IQANK1: variants seen among roughly 807,000 people sequenced by gnomAD.
IQANK1 encodes IQ motif and ankyrin repeat containing 1, also known as IQ motif and ankyrin repeat domain-containing protein 1.
IQANK1 carries 30 observed loss-of-function variants against 22.6 expected under a neutral mutation model. The ratio of observed to expected loss-of-function variants is 1.33; its 90% CI spans 0.99 to 1.80. IQANK1 has a LOEUF of 1.80. IQANK1 is among the 40% of genes most tolerant of loss of function. IQANK1 has a pLI of 0.00. For missense variants in IQANK1, 275 were observed against 235.2 expected, an observed-to-expected ratio of 1.17 and a Z score of -1.11; for synonymous variants, 122 against 99.6, an observed-to-expected ratio of 1.23 and a Z score of -1.34.
intron 3 of IQANK1, among the ~76,000 whole-genome samples, chr8:143,748,578 A>G (rs1456728967): frequency 7.4e-6 from 1 of 134,360 alleles, no homozygotes; most frequent in East Asian, 2.1e-4. Flanking sequence ...TATATAATAT[A>G]TAAATATAGA....
chr8:143,773,310 A>AC (rs1819618305), intron 7 of IQANK1, among the ~76,000 whole-genome samples: 2 of 125,878 alleles, frequency 1.6e-5, no homozygotes, highest in East Asian at 2.0e-4. Flanking sequence ...CAAAAAAAAA[A>AC]AAAAAACAAA....
intron 3 of IQANK1, among the ~76,000 whole-genome samples, chr8:143,757,714 T>C (rs1819319565): frequency 6.6e-6 from 1 of 152,068 alleles, no homozygotes; most frequent in African/African-American, 2.4e-5. Context: ...AGTGGCATAA[T>C]CATAGCTCAT....
At position 143,755,439 on chromosome 8, in the gene IQANK1, C is replaced by G. The variant is rs536365913; in HGVS notation, c.175+15491C>G. Among the ~76,000 whole-genome samples the G allele has an allele frequency of 3.8e-4, 58 of 152,330 alleles. 1 individual carries two copies. The highest frequency in any genetic ancestry group is 3.3e-3 in the South Asian group (16 of 4,824). On this transcript the variant is annotated intron_variant, in intron 3 of 13. Coordinates refer to ENST00000527139, the MANE Select transcript of IQANK1 (RefSeq NM_001381874.1). ...AGTACAATGACGTGATCTTAGCTCA[C>G]TGCAACCTCCGCCTCCCAGGTTCAA... is the stretch of plus-strand genomic sequence containing the variant.
At chr8:143,783,910 C>T (rs1261596720) in intron 7 of IQANK1, among the ~76,000 whole-genome samples, 33 of 152,192 alleles carry the variant, frequency 2.2e-4, no homozygotes, top group African/African-American at 6.5e-4. Flanking sequence ...GTTCTGGGAT[C>T]GCTGTTCTGT....
In IQANK1 at chr8:143,758,629, A is replaced by C. The variant is rs754171294; in HGVS notation, c.176-12859A>C. 2.6e-5 allele frequency: 4 copies of C among 152,198 alleles called. No individual in the cohort carries two copies. Among genetic ancestry groups the C allele is most frequent in the Non-Finnish European group, 5.9e-5 (4 of 68,046 alleles). The allele number at this position is 152,198 out of a possible 1,614,324, so 9.4% of individuals were successfully genotyped here. A position where few individuals can be genotyped will look rare whatever the true frequency, so the allele number is the denominator to read the frequency against. ...AACATTATAATTTTCCCACTACTCC[A>C]AAGGAATCCAATAAATAATTTTACA... On this transcript the variant is annotated intron_variant, in intron 3 of 13. Coordinates refer to ENST00000527139, the MANE Select transcript of IQANK1 (RefSeq NM_001381874.1). This position sits in a 1 kb window ranked among gnomAD's most constrained non-coding sequence, Gnocchi z 4.2.
chr8:143,739,946 C>T lies in IQANK1; in HGVS notation c.173C>T (p.Thr58Ile), dbSNP rs1554626231. ...PASAESPQAP[T>I]GPAEDRAARA... The stretch of plus-strand genomic sequence containing the variant: ...TCGGCTGAGAGCCCACAGGCCCCCA[C>T]AGGTGAGAGCCCGCACGTCCCGCGC... Residue 58 changes from threonine (T) to isoleucine (I), a missense_variant and splice_region_variant, in exon 3 of 14, where the codon ACA becomes ATA. Coordinates refer to ENST00000527139, the MANE Select transcript of IQANK1 (RefSeq NM_001381874.1). The T allele has an allele frequency of 2.9e-6, 2 of 695,502 alleles. No homozygotes were observed. Among genetic ancestry groups the T allele is most frequent in the Non-Finnish European group, 5.2e-6 (2 of 381,436 alleles). The allele number at this position is 695,502 out of a possible 1,614,324, so 43.1% of individuals were successfully genotyped here.
intron 7 of IQANK1, among the ~76,000 whole-genome samples, chr8:143,782,760 G>T (rs932055604): frequency 6.6e-6 from 1 of 152,212 alleles, no homozygotes; most frequent in Non-Finnish European, 1.5e-5. Flanking sequence ...ACAGATATGA[G>T]CCACCGTGCC....
chr8:143,743,266 G>T lies in IQANK1; in HGVS notation c.175+3318G>T, dbSNP rs114130477. ...TTTTTGAGACAGGGTCAGCTGTCTT[G>T]CCCAGGCTGGAGTTCAGGGGCTATT... On this transcript the variant is annotated intron_variant, in intron 3 of 13. Coordinates refer to ENST00000527139, the MANE Select transcript of IQANK1 (RefSeq NM_001381874.1). Among the ~76,000 whole-genome samples, 160 of 151,920 alleles carry T rather than the reference G, an allele frequency of 1.1e-3. 2 individuals are homozygous for T. The highest frequency in any genetic ancestry group is 3.7e-3 in the African/African-American group (153 of 41,442).
chr8:143,738,324 C>A (rs146516858), intron 2 of IQANK1, among the ~76,000 whole-genome samples: 1 of 152,208 alleles, frequency 6.6e-6, no homozygotes, highest in African/African-American at 2.4e-5. Context: ...GCTCAGAGGG[C>A]GTCCCTGGAG....
At chr8:143,786,390 A>G (rs1047318538) in intron 7 of IQANK1, among the ~76,000 whole-genome samples, 4 of 152,140 alleles carry the variant, frequency 2.6e-5, no homozygotes, top group Admixed American at 2.0e-4. Context: ...ATATTCATAA[A>G]TTCCTTCACT....
chr8:143,772,593 G>C (rs1819602905), intron 7 of IQANK1, 111 bp downstream of exon 7: 3 of 398,002 alleles, frequency 7.5e-6, no homozygotes, highest in Non-Finnish European at 1.3e-5. Context: ...AGTCTGGCAG[G>C]TGCACACCCA....
At chr8:143,778,513 A>C (rs1819733902) in intron 7 of IQANK1, among the ~76,000 whole-genome samples, 1 of 152,214 alleles carries the variant, frequency 6.6e-6, no homozygotes, top group Non-Finnish European at 1.5e-5. Flanking sequence ...TGAAGCAAAA[A>C]CTATGAGAAC....
intron 3 of IQANK1, among the ~76,000 whole-genome samples, chr8:143,749,203 TATATC>T (rs1183096352): frequency 2.0e-4 from 24 of 121,610 alleles, no homozygotes; most frequent in Non-Finnish European, 2.8e-4. Context: ...CATATATAAA[TATATC>T]ATATATATCA....
In IQANK1 at chr8:143,790,047, C is replaced by T. The variant is rs1819995675; in HGVS notation, c.1272C>T (p.Arg424=). Reference sequence around the variant, plus strand: ...TGCTGATGAAAGATGTAGGCAACCGCATCCGTGCCGATGGCCGGTCAGTTC... The same window carrying T: ...TGCTGATGAAAGATGTAGGCAACCGTATCCGTGCCGATGGCCGGTCAGTTC... The part of the protein sequence containing the change: ...HDVLMKDVGN[R]IRADGRWPLV... The change falls in exon 12 of 14, where the codon CGC becomes CGT. Residue 424 remains arginine, a synonymous_variant. Coordinates refer to ENST00000527139, the MANE Select transcript of IQANK1 (RefSeq NM_001381874.1). The T allele has an allele frequency of 2.4e-6, 3 of 1,231,992 alleles. No homozygotes were observed. The highest frequency in any genetic ancestry group is 3.0e-6 in the Non-Finnish European group (3 of 988,014). The allele number at this position is 1,231,992 out of a possible 1,614,324, so 76.3% of individuals were successfully genotyped here.
intron 7 of IQANK1, among the ~76,000 whole-genome samples, chr8:143,777,927 G>A (rs1230080514): frequency 3.9e-5 from 6 of 152,118 alleles, no homozygotes; most frequent in African/African-American, 1.4e-4. Context: ...GGGCGCGGTG[G>A]CTCACGCCTG....
Position 143,790,029 on chromosome 8 carries a change from G to GA in IQANK1, c.1257dup (p.Asp420ArgfsTer17). On this transcript the variant is annotated frameshift_variant, in exon 12 of 14. Coordinates refer to ENST00000527139, the MANE Select transcript of IQANK1 (RefSeq NM_001381874.1). LOFTEE classifies it high-confidence loss of function. ...TCACCGAGCTGCACGATGTGCTGATGAAAGATGTAGGCAACCGCATCCGTG... is the reference window on the plus strand; with the variant it reads ...TCACCGAGCTGCACGATGTGCTGATGAAAAGATGTAGGCAACCGCATCCGTG... 1 of 1,232,136 alleles carries GA rather than the reference G, an allele frequency of 8.1e-7. No homozygotes were observed. Among genetic ancestry groups the GA allele is most frequent in the Non-Finnish European group, 1.0e-6 (1 of 988,032 alleles). 76.3% of individuals were successfully genotyped at this position (1,232,136 alleles called of 1,614,324 possible).
chr8:143,772,343 G>T lies in IQANK1; in HGVS notation c.664-14G>T. On this transcript the variant is annotated splice_polypyrimidine_tract_variant and intron_variant, in intron 6 of 13. Coordinates refer to ENST00000527139, the MANE Select transcript of IQANK1 (RefSeq NM_001381874.1). ...GGCAAGGCCTGGATCTTGCTCGGGGGGCCCGTCTTGCAGGGCGCTTTCGGT... is the reference window on the plus strand; with the variant it reads ...GGCAAGGCCTGGATCTTGCTCGGGGTGCCCGTCTTGCAGGGCGCTTTCGGT... The T allele has an allele frequency of 5.0e-6, 2 of 398,942 alleles. No individual in the cohort carries two copies. The highest frequency in any genetic ancestry group is 8.8e-6 in the Non-Finnish European group (2 of 226,054). The allele number at this position is 398,942 out of a possible 1,614,324, so 24.7% of individuals were successfully genotyped here.
At chr8:143,761,099 G>A (rs1235666566) in intron 3 of IQANK1, among the ~76,000 whole-genome samples, 1 of 152,220 alleles carries the variant, frequency 6.6e-6, no homozygotes, top group Non-Finnish European at 1.5e-5. Flanking sequence ...GCAGCAGAGC[G>A]CGGAGCGGAG....
chr8:143,776,024 C>T (rs1029041208), intron 7 of IQANK1, among the ~76,000 whole-genome samples: 25 of 144,642 alleles, frequency 1.7e-4, no homozygotes, highest in African/African-American at 6.6e-4. Context: ...CGGTGGCTCA[C>T]GCCTGTAATC....
Sources: allele counts gnomAD v4.1 joint callset (sites outside exome capture counted in the v4.1 genomes callset), GRCh38; gene constraint gnomAD v4.1.1; non-coding constraint Gnocchi (gnomAD v3.1); transcripts MANE v1.5; gene names NCBI Gene and HGNC (gene_info 2026-07-23, HGNC 2026-07-21).